Variants in FTO observed in about 807,000 individuals in gnomAD.
FTO encodes alpha-ketoglutarate-dependent dioxygenase FTO.
Under a neutral mutation model 63.9 loss-of-function variants are expected in FTO, and 47 were observed. The observed-to-expected ratio is 0.74, with a 90% confidence interval of 0.58 to 0.94. The LOEUF (loss-of-function observed/expected upper bound fraction) is 0.94, where lower values mean the gene tolerates loss of function less well. FTO is among the 40% of genes least tolerant of loss of function. The pLI, the probability that FTO is intolerant of heterozygous loss-of-function variation, is 0.00. For missense variants in FTO, 562 were observed against 618.1 expected (o/e 0.91, Z 0.96); for synonymous variants, 207 against 224.4 (o/e 0.92, Z 0.69).
At chr16:53,890,827 A>G (rs562808226) in intron 7 of FTO, among the ~76,000 whole-genome samples, 2 of 152,094 alleles carry the variant, frequency 1.3e-5, no homozygotes, top group Middle Eastern at 3.4e-3. Context: ...TCAGGGCAAC[A>G]TTTTTTCCCC....
chr16:53,973,174 C>T (rs146214086), intron 8 of FTO, among the ~76,000 whole-genome samples: 1,607 of 152,252 alleles, frequency 0.011, 33 homozygotes, highest in African/African-American at 0.036. Context: ...GGCCTGGCAT[C>T]GAGAGCAGAG....
intron 7 of FTO, among the ~76,000 whole-genome samples, chr16:53,930,139 C>T (rs2143174971): frequency 6.6e-6 from 1 of 151,472 alleles, no homozygotes; most frequent in Middle Eastern, 3.4e-3. Flanking sequence ...GCTTTAGTCT[C>T]AGAGCCCTCA....
intron 8 of FTO, among the ~76,000 whole-genome samples, chr16:54,109,671 CTG>C (rs1193567743): frequency 2.6e-5 from 4 of 152,234 alleles, no homozygotes; most frequent in Non-Finnish European, 4.4e-5. Context: ...CAGCAGAAAA[CTG>C]TGAAACAGCT....
intron 7 of FTO, among the ~76,000 whole-genome samples, chr16:53,914,977 A>T (rs2081825096): frequency 6.6e-6 from 1 of 152,192 alleles, no homozygotes; most frequent in African/African-American, 2.4e-5. Context: ...CCATGTCTAC[A>T]GGGAGAATGG....
At chr16:53,780,640 G>T (rs2077565325) in intron 1 of FTO, among the ~76,000 whole-genome samples, 1 of 152,040 alleles carries the variant, frequency 6.6e-6, no homozygotes, top group Non-Finnish European at 1.5e-5. Flanking sequence ...AAAGTGCTAG[G>T]ATTACAGGCA....
chr16:53,983,156 A>T (rs1372047613), intron 8 of FTO, among the ~76,000 whole-genome samples: 1 of 152,176 alleles, frequency 6.6e-6, no homozygotes. Flanking sequence ...TAAAAAATAT[A>T]TCATGAAGAA....
chr16:53,789,802 ATG>A (rs2077849959), intron 1 of FTO, among the ~76,000 whole-genome samples: 1 of 150,222 alleles, frequency 6.7e-6, no homozygotes, highest in Non-Finnish European at 1.5e-5. Context: ...GTATGTATAC[ATG>A]TGTACATGTA....
intron 7 of FTO, among the ~76,000 whole-genome samples, chr16:53,914,432 G>T (rs902496959): frequency 6.6e-6 from 1 of 151,750 alleles, no homozygotes; most frequent in African/African-American, 2.4e-5. Context: ...TGGAAAGTAA[G>T]TTACAAGATT....
chr16:53,899,981 G>A (rs1054300804), intron 7 of FTO, among the ~76,000 whole-genome samples: 3 of 152,170 alleles, frequency 2.0e-5, no homozygotes, highest in Admixed American at 1.3e-4. Context: ...AATGCCACTG[G>A]GGGCTGAAGA....
chr16:54,077,951 C>A (rs538996222), intron 8 of FTO, among the ~76,000 whole-genome samples: 109 of 152,232 alleles, frequency 7.2e-4, no homozygotes, highest in African/African-American at 2.4e-3. Flanking sequence ...GAGTGACATA[C>A]CAAGGATGGG....
chr16:53,780,809 A>T (rs2077569887), intron 1 of FTO, among the ~76,000 whole-genome samples: 2 of 152,150 alleles, frequency 1.3e-5, no homozygotes, highest in Non-Finnish European at 1.5e-5. Flanking sequence ...ACTTTTCAGG[A>T]CTTTCATCTT....
At chr16:54,063,071 G>A (rs1218904606) in intron 8 of FTO, among the ~76,000 whole-genome samples, 1 of 152,180 alleles carries the variant, frequency 6.6e-6, no homozygotes, top group Non-Finnish European at 1.5e-5. Context: ...AGAAGATTTC[G>A]ACACTTTTCC....
intron 7 of FTO, among the ~76,000 whole-genome samples, chr16:53,901,300 A>G (rs1465672897): frequency 6.6e-6 from 1 of 152,226 alleles, no homozygotes; most frequent in African/African-American, 2.4e-5. Context: ...CCCATGTATG[A>G]ACCACTTATG....
chr16:53,966,127 C>CA (rs1210002213), intron 8 of FTO, among the ~76,000 whole-genome samples: 1 of 152,198 alleles, frequency 6.6e-6, no homozygotes, highest in Non-Finnish European at 1.5e-5. Flanking sequence ...CTTGTCCTCC[C>CA]AAAGTGCTGG....
rs1229388144 is a variant in FTO at position 53,982,077 on chromosome 16, TA to T, written c.1364+47979del. Among the ~76,000 whole-genome samples, 810 of 144,912 alleles carry T rather than the reference TA, an allele frequency of 5.6e-3. 11 individuals carry two copies. Among genetic ancestry groups the T allele is most frequent in the African/African-American group, 0.019 (739 of 39,448 alleles). On this transcript the variant is annotated intron_variant, in intron 8 of 8. Transcript: ENST00000471389. ...CCTGGGCGACAGAGCGAGACTCTGT[TA>T]AAAAAAAAAACAAAAAACAAGACAT...
chr16:53,988,871 G>A (rs1392914597), intron 8 of FTO, among the ~76,000 whole-genome samples: 2 of 152,118 alleles, frequency 1.3e-5, no homozygotes, highest in African/African-American at 4.8e-5. Context: ...TATTGGTTTT[G>A]TCATCTGAAT....
At chr16:53,976,988 C>T (rs2083449404) in intron 8 of FTO, among the ~76,000 whole-genome samples, 2 of 152,028 alleles carry the variant, frequency 1.3e-5, no homozygotes, top group Non-Finnish European at 2.9e-5. Flanking sequence ...TTTTGTTGGT[C>T]TCTTTTTCCT....
At chr16:53,868,323 A>G (rs9935225) in intron 4 of FTO, among the ~76,000 whole-genome samples, 18,119 of 151,268 alleles carry the variant, frequency 0.12, 2,230 homozygotes, top group African/African-American at 0.31. Context: ...ATTTCATTTC[A>G]TCTCCTTTCT....
chr16:53,920,922 T>C (rs1307931334), intron 7 of FTO, among the ~76,000 whole-genome samples: 1 of 152,182 alleles, frequency 6.6e-6, no homozygotes, highest in East Asian at 1.9e-4. Context: ...AGATAAAATT[T>C]CCACTAGGGC....
Sources: gnomAD v4.1 joint callset for allele counts (sites outside exome capture counted in the v4.1 genomes callset) on GRCh38, gnomAD v4.1.1 for gene constraint, MANE v1.5 for transcripts, NCBI Gene and HGNC (gene_info 2026-07-23, HGNC 2026-07-21) for gene names.